ZNF28: variants seen among roughly 807,000 people sequenced by gnomAD.
ZNF28 encodes zinc finger protein 28.
Under a neutral mutation model 7.2 loss-of-function variants are expected in ZNF28, and 5 were observed. The ratio of observed to expected loss-of-function variants is 0.70; its 90% confidence interval spans 0.36 to 1.46. The LOEUF is 1.46. ZNF28 is among the 40% of genes most tolerant of loss of function. The pLI is 0.03. For missense variants in ZNF28, 879 were observed against 866.6 expected (o/e 1.01, Z -0.18); for synonymous variants, 288 against 292.4 (o/e 0.99, Z 0.15).
At position 52,800,371 on chromosome 19, in the gene ZNF28, C is replaced by G. The variant is rs752666958; in HGVS notation, c.1474G>C (p.Glu492Gln). 6.2e-7 allele frequency: 1 copy of G among 1,614,084 alleles called. No individual in the cohort carries two copies. Among genetic ancestry groups the G allele is most frequent in the Non-Finnish European group, 8.5e-7 (1 of 1,180,024 alleles). The change falls in exon 4 of 4, where the codon GAG becomes CAG. Residue 492 changes from glutamate (E) to glutamine (Q), a missense_variant. Coordinates refer to ENST00000457749, the MANE Select transcript of ZNF28 (RefSeq NM_006969.5). ...CAAACCTTACATTTGTATGGTTTCT[C>G]TCCAGTATGAATCCTCCTATGTCTT... ...LERHRRIHTG[E>Q]KPYKCKVCDK...
chr19:52,811,978 C>T, intron 2 of ZNF28, among the ~76,000 whole-genome samples: 1 of 40,462 alleles, frequency 2.5e-5, no homozygotes, highest in South Asian at 7.3e-4. Flanking sequence ...GTGAGGAGCC[C>T]CTCTGCCTGG....
intron 2 of ZNF28, among the ~76,000 whole-genome samples, chr19:52,813,388 C>G (rs1028544952): frequency 6.6e-6 from 1 of 151,834 alleles, no homozygotes; most frequent in Non-Finnish European, 1.5e-5. Context: ...TCTGGGGATT[C>G]GCCATGGACA....
intron 1 of ZNF28, among the ~76,000 whole-genome samples, chr19:52,818,922 C>T (rs7258915): frequency 0.6 from 78,988 of 132,662 alleles, 26,892 homozygotes; most frequent in Non-Finnish European, 0.72. Flanking sequence ...TCTGATGGGA[C>T]TGACACAGAG....
At position 52,803,238 on chromosome 19, in the gene ZNF28, G is replaced by A. The variant is rs140735203; in HGVS notation, c.143-1536C>T. Reference sequence around the variant, plus strand: ...AATGCAGGCACATGCCACTGTGCCCGGCTAATTTTTGTATTTTTAGTAGAG... The same window carrying A: ...AATGCAGGCACATGCCACTGTGCCCAGCTAATTTTTGTATTTTTAGTAGAG... On this transcript the variant is annotated intron_variant, in intron 3 of 3. Transcript: ENST00000457749. 5.7e-3 allele frequency among the ~76,000 whole-genome samples: 873 copies of A among 151,912 alleles called. 8 individuals are homozygous for A. The highest frequency in any genetic ancestry group is 0.019 in the African/African-American group (804 of 41,422).
chr19:52,801,510 G>A lies in ZNF28; in HGVS notation c.335C>T (p.Pro112Leu). ...KEDETNDHAA[P>L]MTEIKELTGS... ...AGTCAACTCTTTGATTTCTGTCATG[G>A]GTGCTGCATGGTCATTTGTTTCATC... Residue 112 changes from proline (P) to leucine (L), a missense_variant, in exon 4 of 4, where the codon CCC becomes CTC. This residue lies in a region of ZNF28 where 864 missense variants were observed against 830.2 expected (regional missense o/e 1.04). Coordinates refer to ENST00000457749, the MANE Select transcript of ZNF28 (RefSeq NM_006969.5). 1 of 1,613,982 alleles carries A rather than the reference G, an allele frequency of 6.2e-7. No homozygotes were observed. The highest frequency in any genetic ancestry group is 8.5e-7 in the Non-Finnish European group (1 of 1,179,912).
intron 2 of ZNF28, among the ~76,000 whole-genome samples, chr19:52,813,142 A>T (rs1462628414): frequency 6.6e-6 from 1 of 151,518 alleles, no homozygotes; most frequent in African/African-American, 2.4e-5. Flanking sequence ...ATGTATTTAA[A>T]ATGACGCTAC....
chr19:52,821,259 C>A (rs1203891828), intron 1 of ZNF28, among the ~76,000 whole-genome samples: 1 of 152,002 alleles, frequency 6.6e-6, no homozygotes, highest in Non-Finnish European at 1.5e-5. Context: ...GGCTGGGAGG[C>A]GCACAGGGTG....
At chr19:52,815,928 C>T (rs73067576) in intron 2 of ZNF28, among the ~76,000 whole-genome samples, 9,412 of 147,138 alleles carry the variant, frequency 0.064, 1,383 homozygotes, top group African/African-American at 0.13. Context: ...AACAAACCTT[C>T]ACATGTAGCC....
At chr19:52,802,761 CTTTT>C (rs11347464) in intron 3 of ZNF28, among the ~76,000 whole-genome samples, 3 of 127,566 alleles carry the variant, frequency 2.4e-5, no homozygotes, top group African/African-American at 5.9e-5. Flanking sequence ...CACGTTGTGA[CTTTT>C]TTTTTTTTTT....
In ZNF28 at chr19:52,812,138, T is replaced by A. The variant is rs1451836682; in HGVS notation, c.16-4005A>T. Among the ~76,000 whole-genome samples the A allele has an allele frequency of 8.0e-4, 80 of 100,082 alleles. 2 individuals are homozygous for A. In the East Asian group the frequency reaches 0.016, roughly 19 times the overall value. 65.7% of individuals were successfully genotyped at this position (100,082 alleles called of 152,430 possible). A position where few individuals can be genotyped will look rare whatever the true frequency, so the allele number is the denominator to read the frequency against. On this transcript the variant is annotated intron_variant, in intron 2 of 3. Transcript: ENST00000457749. ...TGGCCAGCCGCCCCGTCCGGGAGGG[T>A]GGTGGGGGGGTCAGCCCCCCGCCCG...
At chr19:52,819,396 T>TG (rs1316941005) in intron 1 of ZNF28, among the ~76,000 whole-genome samples, 1 of 81,098 alleles carries the variant, frequency 1.2e-5, no homozygotes, top group Non-Finnish European at 3.1e-5. Context: ...TCCATTCTAT[T>TG]GCTTTTTTTT....
In ZNF28 at chr19:52,798,233, C is replaced by T. The variant is rs2062820516; in HGVS notation, c.*1455G>A. 1 of 163,626 alleles carries T rather than the reference C, an allele frequency of 6.1e-6. No individual in the cohort carries two copies. Among genetic ancestry groups the T allele is most frequent in the African/African-American group, 2.4e-5 (1 of 41,530 alleles). The allele number at this position is 163,626 out of a possible 1,614,324, so 10.1% of individuals were successfully genotyped here. ...CAGGCTGTTCTCAAACTCTTAACCT[C>T]CAGTGACCTACCAGTCTTGGCCTCT... is the stretch of plus-strand genomic sequence containing the variant. On this transcript the variant is annotated 3_prime_UTR_variant, in exon 4 of 4. Transcript: ENST00000457749.
Position 52,800,902 on chromosome 19 carries a change from C to G in ZNF28, c.943G>C (p.Glu315Gln), listed in dbSNP as rs1379142035. Residue 315 changes from glutamate to glutamine, a missense_variant, in exon 4 of 4, where the codon GAA (glutamate) becomes CAA (glutamine). Around this residue, in one of 2 missense-constraint regions of ZNF28, gnomAD observed 864 missense variants for 830.2 expected, o/e 1.04. Transcript: ENST00000457749. ...DKVFSRKSHLETHKIIYTGGK... is the reference protein window; with the variant it reads ...DKVFSRKSHLQTHKIIYTGGK... ...CCAGTATAAATTATCTTATGTGTTT[C>G]AAGGTGTGATTTGCGACTGAAAACT... is the stretch of plus-strand genomic sequence containing the variant. The G allele has an allele frequency of 6.2e-7, 1 of 1,613,990 alleles. No homozygotes were observed. The highest frequency in any genetic ancestry group is 1.3e-5 in the African/African-American group (1 of 75,006).
intron 2 of ZNF28, among the ~76,000 whole-genome samples, chr19:52,811,691 T>C (rs1471942682): frequency 7.4e-5 from 10 of 135,558 alleles, no homozygotes; most frequent in African/African-American, 2.1e-4. Context: ...AGCCCCTCCG[T>C]CCGGCAACCA....
chr19:52,805,240 A>T (rs1460986738), intron 3 of ZNF28: 1 of 150,732 alleles, frequency 6.6e-6, no homozygotes, highest in Non-Finnish European at 1.5e-5. Flanking sequence ...ACTGCACTTT[A>T]GCCTGGGTGA....
At chr19:52,802,466 C>G (rs756391478) in intron 3 of ZNF28, among the ~76,000 whole-genome samples, 1 of 152,022 alleles carries the variant, frequency 6.6e-6, no homozygotes, top group Non-Finnish European at 1.5e-5. Context: ...GATCACCTCA[C>G]GTCAGGAGTT....
At chr19:52,809,875 G>A in intron 2 of ZNF28, 1 of 713,106 alleles carries the variant, frequency 1.4e-6, no homozygotes, top group African/African-American at 1.8e-5. Flanking sequence ...CCTGCGGGCG[G>A]TCCGGGATCC....
At chr19:52,817,039 T>G (rs28420198) in intron 2 of ZNF28, among the ~76,000 whole-genome samples, 88,796 of 151,596 alleles carry the variant, frequency 0.59, 27,223 homozygotes, top group Non-Finnish European at 0.69. Context: ...GTTGAATGAC[T>G]CTCCTGCTAT....
intron 3 of ZNF28, among the ~76,000 whole-genome samples, chr19:52,806,237 ATGCTGGAGTGCAACGG>A (rs1275427586): frequency 6.6e-6 from 1 of 151,718 alleles, no homozygotes; most frequent in East Asian, 1.9e-4. Flanking sequence ...TCTGTCTCCC[ATGCTGGAGTGCAACGG>A]TGCGATCTCG....
Sources: gnomAD v4.1 joint callset for allele counts (sites outside exome capture counted in the v4.1 genomes callset) on GRCh38, gnomAD v4.1.1 for gene constraint, gnomAD v4.1.1 regional missense constraint, MANE v1.5 for transcripts, NCBI Gene and HGNC (gene_info 2026-07-23, HGNC 2026-07-21) for gene names.